The following ZNF264 variants were observed in gnomAD, a reference collection of about 807,000 sequenced individuals.
The protein encoded by ZNF264 is zinc finger protein 264.
Under a neutral mutation model 11.2 loss-of-function variants are expected in ZNF264, and 11 were observed. That is an observed-to-expected ratio of 0.98 (90% CI 0.62 to 1.63). The LOEUF is 1.63. Ranked by LOEUF, ZNF264 falls within the 40% of genes most tolerant of loss-of-function variation. ZNF264 has a pLI of 0.00. For missense variants in ZNF264, 752 were observed against 768.1 expected, an observed-to-expected ratio of 0.98 and a Z score of 0.25; for synonymous variants, 309 against 279.8, an observed-to-expected ratio of 1.10 and a Z score of -1.04.
Position 57,191,870 on chromosome 19 carries a change from C to A in ZNF264, c.-44C>A. Reference sequence around the variant, plus strand: ...GCACAGGTGGGGTCCGTCAGGCCGCCCGGGGCTCCTCTGTCCCAGCTCTGC... The same window carrying A: ...GCACAGGTGGGGTCCGTCAGGCCGCACGGGGCTCCTCTGTCCCAGCTCTGC... On this transcript the variant is annotated 5_prime_UTR_variant, in exon 1 of 4. Coordinates refer to ENST00000263095, the MANE Select transcript of ZNF264 (RefSeq NM_003417.5). The A allele has an allele frequency of 7.6e-7, 1 of 1,309,382 alleles. No homozygotes were observed. The highest frequency in any genetic ancestry group is 2.3e-5 in the South Asian group (1 of 42,890). The allele number at this position is 1,309,382 out of a possible 1,614,324, so 81.1% of individuals were successfully genotyped here.
At position 57,219,563 on chromosome 19, in the gene ZNF264, A is replaced by T. The variant is rs1487533854; in HGVS notation, c.*6582A>T. Reference sequence around the variant, plus strand: ...TTTGTCCTCTTACTTCCTTGTTAGAACTTTGTGCTGCTGACCACCACTCTG... The same window carrying T: ...TTTGTCCTCTTACTTCCTTGTTAGATCTTTGTGCTGCTGACCACCACTCTG... On this transcript the variant is annotated 3_prime_UTR_variant, in exon 4 of 4. Coordinates refer to ENST00000263095, the MANE Select transcript of ZNF264 (RefSeq NM_003417.5). 1 of 152,246 alleles carries T rather than the reference A, an allele frequency of 6.6e-6. No homozygotes were observed. The highest frequency in any genetic ancestry group is 2.4e-5 in the African/African-American group (1 of 41,436). 9.4% of individuals were successfully genotyped at this position (152,246 alleles called of 1,614,324 possible).
At chr19:57,195,826 T>C (rs1486192653) in intron 2 of ZNF264, among the ~76,000 whole-genome samples, 1 of 151,818 alleles carries the variant, frequency 6.6e-6, no homozygotes, top group Non-Finnish European at 1.5e-5. Context: ...ATGGAATCGT[T>C]GTGTCTCCTG....
In ZNF264 at chr19:57,212,095, A is replaced by G; in HGVS notation, c.998A>G (p.His333Arg). The change falls in exon 4 of 4, where the codon CAC (histidine) becomes CGC (arginine). Residue 333 changes from histidine to arginine, a missense_variant. His to Arg is a conservative substitution (Grantham distance 29). Coordinates refer to ENST00000263095, the MANE Select transcript of ZNF264 (RefSeq NM_003417.5). Reference protein sequence around the residue: ...VFRHRPGFLRHYVVHSGENPY... With the variant: ...VFRHRPGFLRRYVVHSGENPY... ...CGACATAGGCCAGGCTTTCTCCGGC[A>G]CTATGTTGTCCACAGTGGTGAGAAT... is the stretch of plus-strand genomic sequence containing the variant. The G allele has an allele frequency of 6.2e-7, 1 of 1,614,182 alleles. No individual in the cohort carries two copies. The highest frequency in any genetic ancestry group is 1.7e-5 in the Admixed American group (1 of 60,028).
chr19:57,220,769 A>C lies in ZNF264; in HGVS notation c.*7788A>C, dbSNP rs1419417490. The C allele has an allele frequency of 6.6e-6, 1 of 151,622 alleles. No homozygotes were observed. The allele number at this position is 151,622 out of a possible 1,614,324, so 9.4% of individuals were successfully genotyped here. On this transcript the variant is annotated 3_prime_UTR_variant, in exon 4 of 4. Coordinates refer to ENST00000263095, the MANE Select transcript of ZNF264 (RefSeq NM_003417.5). ...AGCAATTCTCCTGCCTCAGCCTCCC[A>C]AGTAGCTGGGATTACAGGCATGGGC...
intron 3 of ZNF264, 72 bp downstream of exon 3, chr19:57,205,564 A>G: frequency 7.4e-7 from 1 of 1,358,784 alleles, no homozygotes; most frequent in Non-Finnish European, 1.0e-6. Context: ...TGGCCCTGGA[A>G]TCTCTTGGGA....
rs115568873 is a variant in ZNF264, at chr19:57,212,433, A to G, written c.1336A>G (p.Lys446Glu). 3.7e-5 allele frequency: 60 copies of G among 1,613,798 alleles called. No individual in the cohort carries two copies. The East Asian group carries it at 7.8e-4, about 21-fold the overall frequency. Residue 446 changes from lysine to glutamate, a missense_variant, in exon 4 of 4, where the codon AAA (lysine) becomes GAA (glutamate). Lys to Glu is a moderately conservative substitution (Grantham distance 56). Coordinates refer to ENST00000263095, the MANE Select transcript of ZNF264 (RefSeq NM_003417.5). Reference sequence around the variant, plus strand: ...CCACTGCTCTACTTTTATCTTGCATAAAAGGGCCCACACTGGAGAAAAGCC... The same window carrying G: ...CCACTGCTCTACTTTTATCTTGCATGAAAGGGCCCACACTGGAGAAAAGCC... ...FTHCSTFILH[K>E]RAHTGEKPFE...
chr19:57,204,804 T>G (rs956918643), intron 2 of ZNF264, among the ~76,000 whole-genome samples: 11 of 152,194 alleles, frequency 7.2e-5, no homozygotes, highest in Non-Finnish European at 1.5e-4. Context: ...TCACTGTCGT[T>G]GGCATACCTG....
Position 57,212,274 on chromosome 19 carries a change from C to A in ZNF264, c.1177C>A (p.His393Asn). 1 of 1,614,100 alleles carries A rather than the reference C, an allele frequency of 6.2e-7. No homozygotes were observed. ...AGCCCTGATTCACCACTATGTCATCCACACTGGAGAGAAGCCCTTTGAGTG... is the reference window on the plus strand; with the variant it reads ...AGCCCTGATTCACCACTATGTCATCAACACTGGAGAGAAGCCCTTTGAGTG... ...SAALIHHYVI[H>N]TGEKPFECLE... is the part of the protein sequence containing the mutation. Residue 393 changes from histidine to asparagine, a missense_variant, in exon 4 of 4, where the codon CAC becomes AAC. Coordinates refer to ENST00000263095, the MANE Select transcript of ZNF264 (RefSeq NM_003417.5).
rs188157767 is a variant in ZNF264, at chr19:57,213,196, A to G, written c.*215A>G. 14 of 457,208 alleles carry G rather than the reference A, an allele frequency of 3.1e-5. No homozygotes were observed. The highest frequency in any genetic ancestry group is 1.1e-4 in the Admixed American group (3 of 26,592). The allele number at this position is 457,208 out of a possible 1,614,324, so 28.3% of individuals were successfully genotyped here. On this transcript the variant is annotated 3_prime_UTR_variant, in exon 4 of 4. Coordinates refer to ENST00000263095, the MANE Select transcript of ZNF264 (RefSeq NM_003417.5). ...TTTTAAAAGGAGGAGGGGACATAGA[A>G]AAAATGAAATGCAAGCACACATCTT...
chr19:57,204,766 A>G (rs776528208), intron 2 of ZNF264, among the ~76,000 whole-genome samples: 5 of 152,206 alleles, frequency 3.3e-5, no homozygotes, highest in Non-Finnish European at 7.3e-5. Context: ...TGTTGCCATC[A>G]GTACTGTTAT....
intron 2 of ZNF264, among the ~76,000 whole-genome samples, chr19:57,198,743 G>A (rs2087230487): frequency 6.6e-6 from 1 of 151,968 alleles, no homozygotes; most frequent in Middle Eastern, 3.4e-3. Flanking sequence ...CGAAATGTCT[G>A]ATCATTTCCC....
intron 2 of ZNF264, among the ~76,000 whole-genome samples, chr19:57,203,764 A>G (rs115841237): frequency 0.012 from 1,851 of 152,282 alleles, 26 homozygotes; most frequent in African/African-American, 0.041. Flanking sequence ...GATGACCTCC[A>G]GCTCACATCT....
At position 57,212,581 on chromosome 19, in the gene ZNF264, T is replaced by G; in HGVS notation, c.1484T>G (p.Met495Arg). The G allele has an allele frequency of 1.2e-6, 2 of 1,613,632 alleles. No homozygotes were observed. Among genetic ancestry groups the G allele is most frequent in the Non-Finnish European group, 1.7e-6 (2 of 1,179,912 alleles). ...CVECGKAFTR[M>R]SGLTRHKRIH... ...GAGTGTGGAAAGGCCTTCACCCGCA[T>G]GTCGGGCCTCACGAGGCACAAGCGG... is the stretch of plus-strand genomic sequence containing the variant. The change falls in exon 4 of 4, where the codon ATG becomes AGG. Residue 495 changes from methionine to arginine, a missense_variant. Physicochemically the swap from Met to Arg is moderately conservative, Grantham distance 91. Transcript: ENST00000263095.
rs2087347087 is a variant in ZNF264, at chr19:57,212,490, A to C, written c.1393A>C (p.Ser465Arg). ...FECKECGKAF[S>R]NRKDLIRHFS... ...GTGCAAAGAGTGTGGGAAAGCCTTT[A>C]GCAATCGGAAGGACCTCATTCGCCA... The change falls in exon 4 of 4, where the codon AGC becomes CGC. Residue 465 changes from serine (S) to arginine (R), a missense_variant. Coordinates refer to ENST00000263095, the MANE Select transcript of ZNF264 (RefSeq NM_003417.5). The C allele has an allele frequency of 6.2e-7, 1 of 1,613,666 alleles. No individual in the cohort carries two copies. Among genetic ancestry groups the C allele is most frequent in the East Asian group, 2.2e-5 (1 of 44,826 alleles).
At chr19:57,207,584 C>T (rs1288938290) in intron 3 of ZNF264, among the ~76,000 whole-genome samples, 1 of 145,260 alleles carries the variant, frequency 6.9e-6, no homozygotes, top group Admixed American at 7.0e-5. Context: ...CTCTGTGTAG[C>T]CCAGGCTGGA....
rs373931848 is a variant in ZNF264, at chr19:57,205,361, C to T, written c.161-36C>T. The T allele has an allele frequency of 5.9e-4, 925 of 1,569,884 alleles. 7 individuals carry two copies. In the South Asian group the frequency reaches 0.01, roughly 17 times the overall value. On this transcript the variant is annotated intron_variant, in intron 2 of 3. Transcript: ENST00000263095. ...TTGAAGGTCTTTATTTCTTTTCACCCACATCCATGTGTCCACTTGCTTTCT... is the reference window on the plus strand; with the variant it reads ...TTGAAGGTCTTTATTTCTTTTCACCTACATCCATGTGTCCACTTGCTTTCT...
In ZNF264 at chr19:57,219,545, T is replaced by A. The variant is rs2087402540; in HGVS notation, c.*6564T>A. 6.6e-6 allele frequency: 1 copy of A among 152,338 alleles called. No individual in the cohort carries two copies. Among genetic ancestry groups the A allele is most frequent in the Non-Finnish European group, 1.5e-5 (1 of 68,116 alleles). The allele number at this position is 152,338 out of a possible 1,614,324, so 9.4% of individuals were successfully genotyped here. A position where few individuals can be genotyped will look rare whatever the true frequency, so the allele number is the denominator to read the frequency against. ...ACAGGAGGGCTTCCATCATTTGTCC[T>A]CTTACTTCCTTGTTAGAACTTTGTG... On this transcript the variant is annotated 3_prime_UTR_variant, in exon 4 of 4. Coordinates refer to ENST00000263095, the MANE Select transcript of ZNF264 (RefSeq NM_003417.5).
intron 3 of ZNF264, among the ~76,000 whole-genome samples, chr19:57,209,236 T>G (rs190537363): frequency 2.6e-5 from 4 of 152,278 alleles, no homozygotes; most frequent in South Asian, 4.1e-4. Flanking sequence ...AAATGTTGGT[T>G]TACCTCAATA....
intron 2 of ZNF264, chr19:57,194,307 A>G (rs943507756): frequency 2.9e-5 from 13 of 443,642 alleles, no homozygotes; most frequent in Non-Finnish European, 4.7e-5. Context: ...GAGAACCACC[A>G]CGATGGTGTC....
Sources: allele counts gnomAD v4.1 joint callset (sites outside exome capture counted in the v4.1 genomes callset), GRCh38; gene constraint gnomAD v4.1.1; transcripts MANE v1.5; gene names NCBI Gene and HGNC (gene_info 2026-07-23, HGNC 2026-07-21).